Variants in PINX1 observed in about 807,000 individuals in gnomAD.
PINX1 encodes PIN2/TERF1-interacting telomerase inhibitor 1.
In PINX1, 34 loss-of-function variants were observed where a neutral mutation model predicts 25.4. That is an observed-to-expected ratio of 1.34 (90% CI 1.02 to 1.78). The LOEUF (loss-of-function observed/expected upper bound fraction) is 1.78, where lower values mean the gene tolerates loss of function less well. Ranked by LOEUF, PINX1 falls within the 40% of genes most tolerant of loss-of-function variation. The pLI, the probability that PINX1 is intolerant of heterozygous loss-of-function variation, is 0.00. For synonymous variants in PINX1, 197 were observed against 147.7 expected (o/e 1.33, Z -2.42); for missense variants, 592 against 404.9 (o/e 1.46, Z -3.97).
chr8:10,814,051 G>T (rs912246372), intron 6 of PINX1, among the ~76,000 whole-genome samples: 1 of 152,180 alleles, frequency 6.6e-6, no homozygotes, highest in Non-Finnish European at 1.5e-5. Context: ...GCACCGGTCA[G>T]CACAAGTACC....
intron 5 of PINX1, 24 bp downstream of exon 5, chr8:10,826,127 CA>C: frequency 7.8e-7 from 1 of 1,287,740 alleles, no homozygotes; most frequent in Non-Finnish European, 1.1e-6. Context: ...ATTTCAATAA[CA>C]AGTAAAGAAA....
At chr8:10,791,796 G>C (rs1464166656) in intron 6 of PINX1, among the ~76,000 whole-genome samples, 1 of 152,158 alleles carries the variant, frequency 6.6e-6, no homozygotes, top group Non-Finnish European at 1.5e-5. Context: ...CCTCTCTCCA[G>C]CACTGCGCGA....
At chr8:10,790,546 G>A (rs17718772) in intron 6 of PINX1, among the ~76,000 whole-genome samples, 1 of 152,024 alleles carries the variant, frequency 6.6e-6, no homozygotes, top group Non-Finnish European at 1.5e-5. Context: ...AGCTGTCGGA[G>A]CCTCAACTGG....
chr8:10,816,196 G>C (rs773141803), intron 6 of PINX1, among the ~76,000 whole-genome samples: 16 of 152,214 alleles, frequency 1.1e-4, no homozygotes, highest in African/African-American at 3.9e-4. Context: ...GCACAGAGCT[G>C]TATGAGCAGA....
chr8:10,811,267 G>A (rs1377471362), intron 6 of PINX1, among the ~76,000 whole-genome samples: 1 of 152,190 alleles, frequency 6.6e-6, no homozygotes, highest in Non-Finnish European at 1.5e-5. Context: ...CATATGAAAC[G>A]AGATCTCAAG....
intron 6 of PINX1, among the ~76,000 whole-genome samples, chr8:10,812,079 G>C (rs1035061650): frequency 6.6e-6 from 1 of 152,140 alleles, no homozygotes; most frequent in Admixed American, 6.5e-5. Flanking sequence ...CAAGGTGAAG[G>C]TAACTTCACC....
intron 6 of PINX1, among the ~76,000 whole-genome samples, chr8:10,780,875 C>G (rs919530658): frequency 1.3e-5 from 2 of 152,066 alleles, no homozygotes; most frequent in African/African-American, 4.8e-5. Context: ...CATGGAACCA[C>G]AAAAGACCTC....
At chr8:10,787,125 G>A (rs1017167913) in intron 6 of PINX1, among the ~76,000 whole-genome samples, 1 of 151,852 alleles carries the variant, frequency 6.6e-6, no homozygotes, top group Non-Finnish European at 1.5e-5. Context: ...TTTCATGAAT[G>A]CATAAATAGC....
intron 6 of PINX1, among the ~76,000 whole-genome samples, chr8:10,798,566 A>G (rs1435405442): frequency 6.6e-6 from 1 of 152,176 alleles, no homozygotes; most frequent in Non-Finnish European, 1.5e-5. Context: ...ACTCCTGGGG[A>G]AAAAAAGCCA....
chr8:10,834,676 G>C lies in PINX1; in HGVS notation c.119C>G (p.Ser40Cys). ...GQRMLEKMGW[S>C]KGKGLGAQEQ... is the part of the protein sequence containing the mutation. ...TTTTCTCCAAAATACCTTTCCTTTA[G>C]ACCACCCCATCTTCTCTAGCATCCG... Residue 40 changes from serine to cysteine, a missense_variant, in exon 2 of 7, where the codon TCT (serine) becomes TGT (cysteine). Coordinates refer to ENST00000314787, the MANE Select transcript of PINX1 (RefSeq NM_017884.6). 6.2e-7 allele frequency: 1 copy of C among 1,612,934 alleles called. No homozygotes were observed. The highest frequency in any genetic ancestry group is 8.5e-7 in the Non-Finnish European group (1 of 1,179,418).
chr8:10,774,726 G>A (rs11250073), intron 6 of PINX1, among the ~76,000 whole-genome samples: 3 of 152,008 alleles, frequency 2.0e-5, no homozygotes, highest in Non-Finnish European at 2.9e-5. Context: ...AAAAAGTCTC[G>A]TCTTTCAATT....
At chr8:10,825,736 A>G (rs1023670423) in intron 5 of PINX1, among the ~76,000 whole-genome samples, 3 of 152,218 alleles carry the variant, frequency 2.0e-5, no homozygotes, top group African/African-American at 7.2e-5. Context: ...ATCAATATAG[A>G]GCATAATTCT....
chr8:10,788,741 T>G (rs944564194), intron 6 of PINX1, among the ~76,000 whole-genome samples: 12 of 152,162 alleles, frequency 7.9e-5, no homozygotes, highest in Non-Finnish European at 1.6e-4. Flanking sequence ...TCGTGGACTC[T>G]TGCAGAAAAA....
At chr8:10,776,174 C>G (rs1004933543) in intron 6 of PINX1, among the ~76,000 whole-genome samples, 1 of 152,080 alleles carries the variant, frequency 6.6e-6, no homozygotes, top group East Asian at 1.9e-4. Flanking sequence ...ACCTGTAAAC[C>G]CAGCACTTTG....
At chr8:10,829,826 A>C (rs1798172978) in intron 4 of PINX1, among the ~76,000 whole-genome samples, 1 of 152,138 alleles carries the variant, frequency 6.6e-6, no homozygotes, top group African/African-American at 2.4e-5. Context: ...CTGGGATTAC[A>C]GGCATACGCC....
intron 6 of PINX1, among the ~76,000 whole-genome samples, chr8:10,786,434 T>C (rs1055232825): frequency 1.3e-5 from 2 of 152,188 alleles, no homozygotes; most frequent in Non-Finnish European, 2.9e-5. Context: ...TGACATTTCC[T>C]AAGCAAGGGG....
At chr8:10,835,598 A>C (rs974033398) in intron 1 of PINX1, among the ~76,000 whole-genome samples, 2 of 152,186 alleles carry the variant, frequency 1.3e-5, no homozygotes, top group Non-Finnish European at 2.9e-5. Flanking sequence ...CCACTGTATT[A>C]GGGCTATTTA....
intron 6 of PINX1, among the ~76,000 whole-genome samples, chr8:10,775,943 C>T (rs1293776008): frequency 6.6e-6 from 1 of 152,142 alleles, no homozygotes; most frequent in Non-Finnish European, 1.5e-5. Flanking sequence ...GGGGGCAACC[C>T]AAAGCTCATG....
chr8:10,815,949 T>A (rs1257430156), intron 6 of PINX1, among the ~76,000 whole-genome samples: 1 of 152,190 alleles, frequency 6.6e-6, no homozygotes, highest in Non-Finnish European at 1.5e-5. Context: ...TAGTGACCCC[T>A]GCAGATCTGA....
Sources: gnomAD v4.1 joint callset for allele counts (sites outside exome capture counted in the v4.1 genomes callset) on GRCh38, gnomAD v4.1.1 for gene constraint, MANE v1.5 for transcripts, NCBI Gene and HGNC (gene_info 2026-07-23, HGNC 2026-07-21) for gene names.